The following DDX31 variants were observed in gnomAD, a reference collection of about 807,000 sequenced individuals.
DDX31 encodes the protein DEAD-box helicase 31.
DDX31 carries 70 observed loss-of-function variants against 91.3 expected under a neutral mutation model. That is an observed-to-expected ratio of 0.77 (90% CI 0.63 to 0.94). The LOEUF is 0.94. Among genes scored for constraint, DDX31 ranks in the 40% least tolerant of loss-of-function variants. The pLI is 0.00. For missense variants in DDX31, 902 were observed against 925.0 expected (o/e 0.98, Z 0.32); for synonymous variants, 362 against 350.6 (o/e 1.03, Z -0.36).
At chr9:132,663,949 A>C (rs1487843570) in intron 1 of DDX31, among the ~76,000 whole-genome samples, 6 of 152,198 alleles carry the variant, frequency 3.9e-5, no homozygotes, top group Non-Finnish European at 7.4e-5. Context: ...TGCAGACTTC[A>C]CCTGATTTAC....
chr9:132,666,861 C>T (rs568877400), intron 1 of DDX31, among the ~76,000 whole-genome samples: 6 of 152,112 alleles, frequency 3.9e-5, no homozygotes, highest in Non-Finnish European at 8.8e-5. Flanking sequence ...CACCCACCAC[C>T]AGCCACCACA....
At chr9:132,666,113 G>A (rs1179652329) in intron 1 of DDX31, among the ~76,000 whole-genome samples, 1 of 152,178 alleles carries the variant, frequency 6.6e-6, no homozygotes, top group Non-Finnish European at 1.5e-5. Context: ...TCCAATTTCA[G>A]TTTTTAAATT....
intron 6 of DDX31, among the ~76,000 whole-genome samples, chr9:132,653,213 G>C (rs1283788993): frequency 2.0e-5 from 3 of 151,412 alleles, no homozygotes; most frequent in Non-Finnish European, 4.4e-5. Flanking sequence ...AAAATCAATA[G>C]CCAGGTGCAG....
chr9:132,644,526 G>A (rs1019711815), intron 13 of DDX31, among the ~76,000 whole-genome samples: 1 of 152,168 alleles, frequency 6.6e-6, no homozygotes, highest in Admixed American at 6.5e-5. Context: ...TGCCCCCAGA[G>A]GGCACAGCTA....
At chr9:132,622,936 G>A (rs889281830) in intron 17 of DDX31, among the ~76,000 whole-genome samples, 14 of 151,882 alleles carry the variant, frequency 9.2e-5, no homozygotes, top group Non-Finnish European at 1.2e-4. Flanking sequence ...TTTGAGGCCA[G>A]CCTGGCCAAG....
At chr9:132,669,576 C>A in intron 1 of DDX31, 1 of 1,476,658 alleles carries the variant, frequency 6.8e-7, no homozygotes, top group Non-Finnish European at 9.0e-7. Context: ...CTACCTTCCA[C>A]GGGAAACAGC....
At chr9:132,661,463 G>A (rs944804791) in intron 3 of DDX31, among the ~76,000 whole-genome samples, 5 of 152,106 alleles carry the variant, frequency 3.3e-5, no homozygotes, top group African/African-American at 1.2e-4. Context: ...ATTTGTGCTT[G>A]TTATAACCAG....
chr9:132,669,605 C>A (rs890219428), intron 1 of DDX31: 13 of 1,515,246 alleles, frequency 8.6e-6, no homozygotes, highest in Non-Finnish European at 1.1e-5. Flanking sequence ...CCTTCCTTTA[C>A]TTTTCTAGGC....
intron 14 of DDX31, among the ~76,000 whole-genome samples, chr9:132,638,651 CAGCCACATTACACAA>C (rs1219930374): frequency 6.6e-6 from 1 of 152,204 alleles, no homozygotes; most frequent in Non-Finnish European, 1.5e-5. Context: ...CTTCATTGAA[CAGCCACATTACACAA>C]AGCCACATTA....
At chr9:132,619,514 G>A (rs1261365866) in intron 17 of DDX31, among the ~76,000 whole-genome samples, 5 of 152,220 alleles carry the variant, frequency 3.3e-5, no homozygotes, top group East Asian at 1.9e-4. Context: ...CTTTAAGGCT[G>A]ACAGAGGAAG....
At chr9:132,599,911 CTTCA>C (rs1400276585) in intron 19 of DDX31, among the ~76,000 whole-genome samples, 1 of 152,264 alleles carries the variant, frequency 6.6e-6, no homozygotes, top group Non-Finnish European at 1.5e-5. Flanking sequence ...ACCGTGAGGA[CTTCA>C]GGTGGCCCGG....
At chr9:132,630,986 C>CGGGCAGGTGAG (rs112876956) in intron 15 of DDX31, among the ~76,000 whole-genome samples, 10 of 152,220 alleles carry the variant, frequency 6.6e-5, no homozygotes, top group African/African-American at 2.4e-4. Flanking sequence ...CTACAGAATG[C>CGGGCAGGTGAG]GGGCAGGTGA....
rs1316989879 is a variant in DDX31, at chr9:132,631,998, A to G, written c.1491+43T>C. ...AGCCAATGCATCTACTCATGATCAT[A>G]TATTCCTGCCTAAAGCTTACACCTT... On this transcript the variant is annotated intron_variant, in intron 15 of 19. Coordinates refer to ENST00000372159, the MANE Select transcript of DDX31 (RefSeq NM_022779.9). The G allele has an allele frequency of 5.8e-6, 9 of 1,564,288 alleles. No individual in the cohort carries two copies. The African/African-American group carries it at 1.1e-4, about 19-fold the overall frequency.
At chr9:132,657,331 C>T (rs1331444128) in intron 6 of DDX31, among the ~76,000 whole-genome samples, 1 of 152,188 alleles carries the variant, frequency 6.6e-6, no homozygotes, top group African/African-American at 2.4e-5. Context: ...ACACCCTTCT[C>T]TCAGCTTCTC....
In DDX31 at chr9:132,618,434, T is replaced by C. The variant is rs781350263; in HGVS notation, c.1721A>G (p.His574Arg). ...KGKRWGAQKS[H>R]AVGPQEIRER... is the part of the protein sequence containing the mutation. ...TCGGATTTCCTGGGGGCCAACAGCA[T>C]GGGATTTCTGAGAGGGCGACGGAAG... Residue 574 changes from histidine to arginine, a missense_variant, in exon 18 of 20, where the codon CAT becomes CGT. Transcript: ENST00000372159. 3 of 1,609,842 alleles carry C rather than the reference T, an allele frequency of 1.9e-6. No homozygotes were observed. The highest frequency in any genetic ancestry group is 1.7e-5 in the Admixed American group (1 of 59,242).
At chr9:132,648,680 T>C (rs1040612293) in intron 9 of DDX31, 129 bp from the exon 10 acceptor site, 12 of 1,107,612 alleles carry the variant, frequency 1.1e-5, no homozygotes, top group Non-Finnish European at 1.5e-5. Context: ...CCTGAAATCA[T>C]GACAAAACAT....
At chr9:132,643,985 T>G (rs887442867) in intron 13 of DDX31, among the ~76,000 whole-genome samples, 6 of 151,674 alleles carry the variant, frequency 4.0e-5, no homozygotes, top group African/African-American at 1.5e-4. Context: ...TAGTAACGTC[T>G]ATCCAATGCT....
intron 16 of DDX31, among the ~76,000 whole-genome samples, chr9:132,626,218 G>T (rs1421124473): frequency 2.6e-5 from 4 of 152,038 alleles, no homozygotes; most frequent in African/African-American, 9.7e-5. Flanking sequence ...GGTAACGAGG[G>T]CACAAAGCCC....
chr9:132,622,811 A>G (rs184635027), intron 17 of DDX31, among the ~76,000 whole-genome samples: 11 of 152,300 alleles, frequency 7.2e-5, no homozygotes, highest in Admixed American at 2.6e-4. Context: ...ACTACAAATA[A>G]TCCTGATAGT....
Sources: gnomAD v4.1 joint callset for allele counts (sites outside exome capture counted in the v4.1 genomes callset) on GRCh38, gnomAD v4.1.1 for gene constraint, MANE v1.5 for transcripts, NCBI Gene and HGNC (gene_info 2026-07-23, HGNC 2026-07-21) for gene names.